PDGFRL: variants seen among roughly 807,000 people sequenced by gnomAD.
PDGFRL encodes the protein platelet derived growth factor receptor like.
Under a neutral mutation model 37.2 loss-of-function variants are expected in PDGFRL, and 46 were observed. The ratio of observed to expected loss-of-function variants is 1.24; its 90% CI spans 0.98 to 1.58. The LOEUF (loss-of-function observed/expected upper bound fraction) is 1.58, where lower values mean the gene tolerates loss of function less well. Ranked by LOEUF, PDGFRL falls within the 40% of genes most tolerant of loss-of-function variation. PDGFRL has a pLI of 0.00. For missense variants in PDGFRL, 692 were observed against 467.6 expected, an observed-to-expected ratio of 1.48 and a Z score of -4.43; for synonymous variants, 251 against 184.3, an observed-to-expected ratio of 1.36 and a Z score of -2.93.
chr8:17,576,790 T>C, upstream of PDGFRL: 2 of 575,632 alleles, frequency 3.5e-6, no homozygotes. Flanking sequence ...AGAAATGGAA[T>C]GAACAGAAAT....
chr8:17,634,306 A>C (rs182571156), intron 5 of PDGFRL, 93 bp downstream of exon 5: 1 of 975,416 alleles, frequency 1.0e-6, no homozygotes, highest in African/African-American at 1.7e-5. Context: ...ACCCAGTGCT[A>C]TATGCCATAA....
Position 17,642,917 on chromosome 8 carries a change from C to T in PDGFRL, c.*116C>T. 1 of 657,424 alleles carries T rather than the reference C, an allele frequency of 1.5e-6. No homozygotes were observed. The highest frequency in any genetic ancestry group is 2.7e-6 in the Non-Finnish European group (1 of 374,748). 40.7% of individuals were successfully genotyped at this position (657,424 alleles called of 1,614,324 possible). A position where few individuals can be genotyped will look rare whatever the true frequency, so the allele number is the denominator to read the frequency against. ...CTGATGTCAAGCACCACACCCCAAC[C>T]CCAGCGTCTCGTGAGTCCGACCCAG... On this transcript the variant is annotated 3_prime_UTR_variant, in exon 6 of 6. Transcript: ENST00000251630.
chr8:17,594,630 C>A (rs560630748), intron 2 of PDGFRL, among the ~76,000 whole-genome samples: 3 of 150,904 alleles, frequency 2.0e-5, no homozygotes, highest in Admixed American at 2.0e-4. Flanking sequence ...TCTCAGCTCA[C>A]GGCAACCTCC....
chr8:17,588,666 C>T (rs1409187311), intron 1 of PDGFRL, among the ~76,000 whole-genome samples: 1 of 152,144 alleles, frequency 6.6e-6, no homozygotes, highest in African/African-American at 2.4e-5. Flanking sequence ...GAGTGAGATT[C>T]CGTTTCTAAC....
At chr8:17,590,590 A>G (rs930375634) in intron 2 of PDGFRL, among the ~76,000 whole-genome samples, 3 of 147,482 alleles carry the variant, frequency 2.0e-5, no homozygotes, top group Admixed American at 2.0e-4. Flanking sequence ...TGCACCTGCA[A>G]TTCCAGTTAC....
At chr8:17,616,841 A>G (rs950968852) in intron 2 of PDGFRL, among the ~76,000 whole-genome samples, 2 of 152,126 alleles carry the variant, frequency 1.3e-5, no homozygotes, top group African/African-American at 4.8e-5. Flanking sequence ...CCAATGAATC[A>G]TTATCTTGTA....
intron 5 of PDGFRL, among the ~76,000 whole-genome samples, chr8:17,637,532 C>G (rs892831995): frequency 1.3e-5 from 2 of 152,000 alleles, no homozygotes; most frequent in African/African-American, 4.8e-5. Context: ...ATAGTTTTCT[C>G]TTTTTTGTTA....
At chr8:17,580,279 T>G (rs1803678508) in intron 1 of PDGFRL, among the ~76,000 whole-genome samples, 2 of 152,156 alleles carry the variant, frequency 1.3e-5, no homozygotes, top group African/African-American at 4.8e-5. Flanking sequence ...ACGAGGATTC[T>G]CTAACCAAGA....
chr8:17,601,661 T>TC (rs1804169274), intron 2 of PDGFRL, among the ~76,000 whole-genome samples: 1 of 152,110 alleles, frequency 6.6e-6, no homozygotes, highest in African/African-American at 2.4e-5. Context: ...ATAATTCCTG[T>TC]CTTTGTGTCG....
intron 3 of PDGFRL, among the ~76,000 whole-genome samples, chr8:17,623,545 A>T (rs116332233): frequency 0.025 from 3,735 of 152,234 alleles, 107 homozygotes; most frequent in South Asian, 0.077. Context: ...GAGGTTTTGA[A>T]CTGCAGGCTT....
chr8:17,594,825 GC>G (rs1804018151), intron 2 of PDGFRL, among the ~76,000 whole-genome samples: 1 of 152,206 alleles, frequency 6.6e-6, no homozygotes, highest in South Asian at 2.1e-4. Flanking sequence ...ACAGGCGTGA[GC>G]CACTGTGCCT....
chr8:17,603,936 TG>T (rs1461097958), intron 2 of PDGFRL, among the ~76,000 whole-genome samples: 1 of 151,694 alleles, frequency 6.6e-6, no homozygotes, highest in Non-Finnish European at 1.5e-5. Context: ...TACCTAGAAG[TG>T]GGAAAGAGTA....
At chr8:17,595,478 C>T (rs1290504995) in intron 2 of PDGFRL, among the ~76,000 whole-genome samples, 1 of 152,216 alleles carries the variant, frequency 6.6e-6, no homozygotes, top group Non-Finnish European at 1.5e-5. Flanking sequence ...AAACCCAGCT[C>T]TGGCCCCAAC....
At chr8:17,589,386 A>G (rs1303423452) in intron 1 of PDGFRL, 82 bp from the exon 2 acceptor site, 5 of 2,102 alleles carry the variant, frequency 2.4e-3, no homozygotes, top group East Asian at 0.25. Context: ...AATCTGTCTC[A>G]AAAAAAAAAA....
At chr8:17,639,747 C>G (rs1055570852) in intron 5 of PDGFRL, among the ~76,000 whole-genome samples, 1 of 152,154 alleles carries the variant, frequency 6.6e-6, no homozygotes, top group African/African-American at 2.4e-5. Flanking sequence ...CCTGATGACT[C>G]TGTGCCTAGG....
intron 2 of PDGFRL, among the ~76,000 whole-genome samples, chr8:17,610,092 A>T (rs1341402246): frequency 6.6e-6 from 1 of 152,168 alleles, no homozygotes; most frequent in Non-Finnish European, 1.5e-5. Flanking sequence ...CTGTGCCTGC[A>T]CGCCTGCCCA....
At chr8:17,632,676 C>G (rs1478207921) in intron 4 of PDGFRL, among the ~76,000 whole-genome samples, 2 of 152,188 alleles carry the variant, frequency 1.3e-5, no homozygotes, top group Non-Finnish European at 2.9e-5. Context: ...TCCCACTTCT[C>G]CCAGAAACAA....
At chr8:17,581,626 T>G (rs914408844) in intron 1 of PDGFRL, among the ~76,000 whole-genome samples, 14 of 152,026 alleles carry the variant, frequency 9.2e-5, no homozygotes, top group Non-Finnish European at 7.4e-5. Context: ...GATTCTGTAT[T>G]ATTTCCAGCA....
intron 1 of PDGFRL, among the ~76,000 whole-genome samples, chr8:17,585,753 A>G (rs965668571): frequency 6.6e-6 from 1 of 152,202 alleles, no homozygotes; most frequent in African/African-American, 2.4e-5. Flanking sequence ...TCCAGGCTGC[A>G]GTCAATGATT....
Sources: gnomAD v4.1 joint callset for allele counts (sites outside exome capture counted in the v4.1 genomes callset) on GRCh38, gnomAD v4.1.1 for gene constraint, MANE v1.5 for transcripts, NCBI Gene and HGNC (gene_info 2026-07-23, HGNC 2026-07-21) for gene names.